DPY19L2: variants seen among roughly 807,000 people sequenced by gnomAD.
DPY19L2 encodes dpy-19 like 2.
DPY19L2 carries 34 observed loss-of-function variants against 97.9 expected under a neutral mutation model. That is an observed-to-expected ratio of 0.35 (90% CI 0.26 to 0.46). DPY19L2 has a LOEUF of 0.46. Ranked by LOEUF, DPY19L2 falls within the 20% of genes least tolerant of loss-of-function variation. The probability of loss-of-function intolerance (pLI) is 1.00; values close to 1 mark genes in which losing one functional copy is unlikely to be tolerated. For synonymous variants in DPY19L2, 230 were observed against 307.9 expected (o/e 0.75, Z 2.65); for missense variants, 623 against 911.4 (o/e 0.68, Z 4.07).
intron 3 of DPY19L2, among the ~76,000 whole-genome samples, chr12:63,661,697 C>T (rs55937010): frequency 0.068 from 10,277 of 151,928 alleles, 499 homozygotes; most frequent in Middle Eastern, 0.14. Flanking sequence ...GGCTTTCAAA[C>T]TAAAGAGATG....
chr12:63,598,049 C>A lies in DPY19L2; in HGVS notation c.1360-139G>T. 2.1e-4 allele frequency: 103 copies of A among 498,966 alleles called. No individual in the cohort carries two copies. Among genetic ancestry groups the A allele is most frequent in the East Asian group, 2.7e-4 (7 of 25,712 alleles). 30.9% of individuals were successfully genotyped at this position (498,966 alleles called of 1,614,324 possible). ...ATATTTAGACATCCCTCTAAGAAAA[C>A]AAAAAACTACAGTGAACCAAATATA... is the stretch of plus-strand genomic sequence containing the variant. On this transcript the variant is annotated intron_variant, in intron 13 of 21. Transcript: ENST00000324472.
intron 1 of DPY19L2, among the ~76,000 whole-genome samples, chr12:63,666,156 G>T (rs1040090538): frequency 2.6e-5 from 4 of 151,812 alleles, no homozygotes; most frequent in Non-Finnish European, 5.9e-5. Flanking sequence ...GACCTTTTTT[G>T]ATTTTTTTCA....
intron 6 of DPY19L2, among the ~76,000 whole-genome samples, chr12:63,634,918 G>A (rs1221351442): frequency 1.3e-5 from 2 of 152,202 alleles, no homozygotes; most frequent in Non-Finnish European, 2.9e-5. Context: ...CTGTCTGACA[G>A]CTTTGAAGAG....
At chr12:63,628,506 G>A (rs1889979509) in intron 6 of DPY19L2, among the ~76,000 whole-genome samples, 1 of 152,146 alleles carries the variant, frequency 6.6e-6, no homozygotes, top group South Asian at 2.1e-4. Flanking sequence ...CAAGGCGGCA[G>A]CGAGGATGGG....
chr12:63,613,351 C>G (rs554157537), intron 11 of DPY19L2, among the ~76,000 whole-genome samples: 17 of 152,124 alleles, frequency 1.1e-4, no homozygotes, highest in African/African-American at 3.4e-4. Context: ...GAAAATCAAC[C>G]AATATAATGC....
chr12:63,585,475 A>G (rs1881636015), intron 16 of DPY19L2, among the ~76,000 whole-genome samples: 1 of 152,048 alleles, frequency 6.6e-6, no homozygotes, highest in African/African-American at 2.4e-5. Flanking sequence ...AGGTCTCTTA[A>G]GGTAATAGTA....
chr12:63,574,787 AC>A lies in DPY19L2; in HGVS notation c.1901-3931del, dbSNP rs200905811. 2.2e-3 allele frequency among the ~76,000 whole-genome samples: 340 copies of A among 152,098 alleles called. 14 individuals carry two copies. In the East Asian group the frequency reaches 0.063, roughly 28 times the overall value. On this transcript the variant is annotated intron_variant, in intron 19 of 21. Coordinates refer to ENST00000324472, the MANE Select transcript of DPY19L2 (RefSeq NM_173812.5). ...AATTGTAAATATATATACACCCAATACTGGAGCACCCGGATATATAAAGCAA... is the reference window on the plus strand; with the variant it reads ...AATTGTAAATATATATACACCCAATATGGAGCACCCGGATATATAAAGCAA...
chr12:63,663,160 G>A (rs145368898), intron 3 of DPY19L2, among the ~76,000 whole-genome samples: 4,939 of 152,240 alleles, frequency 0.032, 117 homozygotes, highest in Middle Eastern at 0.089. Context: ...CCCCCGACCA[G>A]CTGTGAGCAG....
At chr12:63,628,514 G>A (rs945063688) in intron 6 of DPY19L2, among the ~76,000 whole-genome samples, 1 of 152,098 alleles carries the variant, frequency 6.6e-6, no homozygotes, top group African/African-American at 2.4e-5. Flanking sequence ...CAGCGAGGAT[G>A]GGGGAGGGGC....
At chr12:63,636,104 A>AGGG (rs140807061) in intron 6 of DPY19L2, among the ~76,000 whole-genome samples, 7 of 151,768 alleles carry the variant, frequency 4.6e-5, no homozygotes, top group Admixed American at 3.9e-4. Flanking sequence ...ACAAGCCAGA[A>AGGG]GGGGGGGCGG....
Position 63,613,113 on chromosome 12 carries a change from A to C in DPY19L2, c.1218+4191T>G, listed in dbSNP as rs960335313. ...CATAAGGATTTTACACAAATTCTTC[A>C]GAAAACTGGAGAAGAGGGAACACTT... On this transcript the variant is annotated intron_variant, in intron 11 of 21. Transcript: ENST00000324472. Among the ~76,000 whole-genome samples the C allele has an allele frequency of 9.9e-5, 15 of 152,260 alleles. 1 individual carries two copies. Among genetic ancestry groups the C allele is most frequent in the South Asian group, 4.1e-4 (2 of 4,834 alleles).
chr12:63,588,777 G>A (rs112894991), intron 16 of DPY19L2, among the ~76,000 whole-genome samples: 17 of 137,782 alleles, frequency 1.2e-4, no homozygotes, highest in Non-Finnish European at 2.4e-4. Context: ...TTTTTGAGAC[G>A]GAGTCTCACT....
chr12:63,661,395 A>G lies in DPY19L2; in HGVS notation c.537T>C (p.Thr179=), dbSNP rs759514348. ...TTGCATTAATTATAAGAGGATATTC[A>G]GTAAGCCTGTCATTCATAATCATCC... The part of the protein sequence containing the change: ...GLWMIMNDRL[T]EYPLIINAIK... Residue 179 remains threonine, a synonymous_variant, in exon 4 of 22, where the codon ACT becomes ACC. Transcript: ENST00000324472. The G allele has an allele frequency of 6.2e-7, 1 of 1,603,200 alleles. No individual in the cohort carries two copies. Among genetic ancestry groups the G allele is most frequent in the Non-Finnish European group, 8.5e-7 (1 of 1,176,916 alleles).
At chr12:63,593,320 G>A (rs1228079093) in intron 16 of DPY19L2, among the ~76,000 whole-genome samples, 3 of 152,258 alleles carry the variant, frequency 2.0e-5, no homozygotes, top group Middle Eastern at 3.4e-3. Context: ...AAATCATGCT[G>A]CTATAAAGAC....
At position 63,668,376 on chromosome 12, in the gene DPY19L2, T is replaced by C. The variant is rs761321836; in HGVS notation, c.18A>G (p.Val6=). The stretch of plus-strand genomic sequence containing the variant: ...CGGAAGATTGCAGCCGCTTTGAGCT[T>C]ACTCCTTGTTTTCTCATAATCAAGG... MRKQG[V]SSKRLQSSGR... Residue 6 remains valine, a synonymous_variant, in exon 1 of 22, where the codon GTA becomes GTG. Coordinates refer to ENST00000324472, the MANE Select transcript of DPY19L2 (RefSeq NM_173812.5). 6.2e-7 allele frequency: 1 copy of C among 1,612,360 alleles called. No individual in the cohort carries two copies. Among genetic ancestry groups the C allele is most frequent in the South Asian group, 1.1e-5 (1 of 90,918 alleles).
At chr12:63,594,249 G>A in intron 15 of DPY19L2, 116 bp from the exon 16 acceptor site, 3 of 777,866 alleles carry the variant, frequency 3.9e-6, no homozygotes, top group Non-Finnish European at 6.0e-6. Context: ...TAATGTTTAA[G>A]GGAGTCCTCA....
intron 12 of DPY19L2, among the ~76,000 whole-genome samples, chr12:63,601,782 G>A (rs1885232145): frequency 6.6e-6 from 1 of 151,916 alleles, no homozygotes; most frequent in African/African-American, 2.4e-5. Flanking sequence ...AAAGGAAGGA[G>A]GATAAAAAGG....
rs983245755 is a variant in DPY19L2, at chr12:63,631,061, C to T, written c.804-4535G>A. Among the ~76,000 whole-genome samples, 24 of 152,056 alleles carry T rather than the reference C, an allele frequency of 1.6e-4. 1 individual carries two copies. Among genetic ancestry groups the T allele is most frequent in the African/African-American group, 5.5e-4 (23 of 41,468 alleles). On this transcript the variant is annotated intron_variant, in intron 6 of 21. Transcript: ENST00000324472. Reference sequence around the variant, plus strand: ...CATATTAGAATCTCTGGGACACATTCAAAGCAGTGTGTAGAGGGAAATTTA... The same window carrying T: ...CATATTAGAATCTCTGGGACACATTTAAAGCAGTGTGTAGAGGGAAATTTA...
intron 11 of DPY19L2, among the ~76,000 whole-genome samples, chr12:63,610,863 A>AAAAAAAAAAAAAAAC (rs1886857854): frequency 9.9e-6 from 1 of 100,560 alleles, no homozygotes; most frequent in Non-Finnish European, 2.1e-5. Context: ...AAAAAAAAAA[A>AAAAAAAAAAAAAAAC]AAAAAAAAAA....
Sources: gnomAD v4.1 joint callset for allele counts (sites outside exome capture counted in the v4.1 genomes callset) on GRCh38, gnomAD v4.1.1 for gene constraint, MANE v1.5 for transcripts, NCBI Gene and HGNC (gene_info 2026-07-23, HGNC 2026-07-21) for gene names.